Variants in GMDS observed in about 807,000 individuals in gnomAD.
GMDS encodes the protein GDP-mannose 4,6 dehydratase.
A neutral mutation model predicts 49.9 loss-of-function variants in GMDS; 20 were observed. That is an observed-to-expected ratio of 0.40 (90% CI 0.28 to 0.58). GMDS has a LOEUF of 0.58. Among genes scored for constraint, GMDS ranks in the 20% least tolerant of loss-of-function variants. GMDS has a pLI of 0.42. For missense variants in GMDS, 362 were observed against 481.4 expected, an observed-to-expected ratio of 0.75 and a Z score of 2.32; for synonymous variants, 177 against 178.6, an observed-to-expected ratio of 0.99 and a Z score of 0.07.
intron 7 of GMDS, among the ~76,000 whole-genome samples, chr6:1,874,477 A>G (rs1214632335): frequency 6.6e-6 from 1 of 152,178 alleles, no homozygotes; most frequent in African/African-American, 2.4e-5. Context: ...GAGAGAGGAC[A>G]TGATAGTTTG....
chr6:1,985,615 T>C (rs1205160400), intron 4 of GMDS, among the ~76,000 whole-genome samples: 3 of 151,964 alleles, frequency 2.0e-5, no homozygotes, highest in Admixed American at 1.3e-4. Flanking sequence ...ACAACAGATT[T>C]GAAAAGGAAT....
At chr6:1,887,065 A>T (rs979505464) in intron 7 of GMDS, among the ~76,000 whole-genome samples, 6 of 152,230 alleles carry the variant, frequency 3.9e-5, no homozygotes, top group Admixed American at 3.9e-4. Flanking sequence ...GAGAAAACAG[A>T]CATGTAGAGA....
intron 9 of GMDS, among the ~76,000 whole-genome samples, chr6:1,701,855 T>C (rs1183633449): frequency 1.3e-5 from 2 of 152,226 alleles, no homozygotes. Context: ...ATGACAGGTA[T>C]GACAATTTTA....
intron 7 of GMDS, among the ~76,000 whole-genome samples, chr6:1,830,348 C>T (rs1197997347): frequency 6.6e-6 from 1 of 152,170 alleles, no homozygotes; most frequent in African/African-American, 2.4e-5. Context: ...CAACTTCTAC[C>T]CACTAGGTAT....
At chr6:1,966,679 C>G (rs1422642970) in intron 4 of GMDS, among the ~76,000 whole-genome samples, 1 of 152,216 alleles carries the variant, frequency 6.6e-6, no homozygotes, top group Non-Finnish European at 1.5e-5. Flanking sequence ...CAGGGCACCT[C>G]TTGGAGCAAC....
intron 7 of GMDS, among the ~76,000 whole-genome samples, chr6:1,760,554 C>T (rs1768118675): frequency 6.6e-6 from 1 of 152,162 alleles, no homozygotes; most frequent in South Asian, 2.1e-4. Flanking sequence ...ATGGCCCCCG[C>T]AGTCCCCACC....
At chr6:1,644,897 G>A (rs1271934154) in intron 9 of GMDS, among the ~76,000 whole-genome samples, 2 of 151,830 alleles carry the variant, frequency 1.3e-5, no homozygotes, top group Non-Finnish European at 2.9e-5. Context: ...GTTAGGAAGT[G>A]GGGTGTATCA....
At chr6:2,031,777 C>A (rs375162790) in intron 4 of GMDS, among the ~76,000 whole-genome samples, 1 of 152,140 alleles carries the variant, frequency 6.6e-6, no homozygotes, top group Non-Finnish European at 1.5e-5. Context: ...GCAAGCCTGG[C>A]GGGTACCTTA....
intron 7 of GMDS, among the ~76,000 whole-genome samples, chr6:1,793,446 A>T (rs1320772254): frequency 6.6e-6 from 1 of 152,138 alleles, no homozygotes; most frequent in African/African-American, 2.4e-5. Context: ...ACCTTAAATG[A>T]CCTCTTTCAA....
At chr6:1,706,793 C>G (rs1193818989) in intron 9 of GMDS, among the ~76,000 whole-genome samples, 1 of 152,218 alleles carries the variant, frequency 6.6e-6, no homozygotes, top group Non-Finnish European at 1.5e-5. Flanking sequence ...AGACACTTCC[C>G]TGAGCTACTA....
At chr6:1,919,222 C>A (rs1046193226) in intron 7 of GMDS, among the ~76,000 whole-genome samples, 4 of 152,188 alleles carry the variant, frequency 2.6e-5, no homozygotes, top group Non-Finnish European at 5.9e-5. Context: ...CATGAGATAG[C>A]TAACAAAGTC....
chr6:1,687,022 T>C (rs1251118214), intron 9 of GMDS, among the ~76,000 whole-genome samples: 1 of 152,208 alleles, frequency 6.6e-6, no homozygotes, highest in African/African-American at 2.4e-5. Context: ...TAAAGGAAGA[T>C]ACAAATGTTT....
intron 7 of GMDS, among the ~76,000 whole-genome samples, chr6:1,857,351 G>A (rs780328030): frequency 2.0e-5 from 3 of 152,188 alleles, no homozygotes; most frequent in Non-Finnish European, 4.4e-5. Flanking sequence ...AGCTTCCAAA[G>A]CCCATGAACC....
At chr6:2,018,994 G>A (rs1405963987) in intron 4 of GMDS, among the ~76,000 whole-genome samples, 3 of 151,948 alleles carry the variant, frequency 2.0e-5, no homozygotes, top group East Asian at 1.9e-4. Flanking sequence ...CCTCATCAAC[G>A]CTTGGTACTG....
At chr6:2,005,959 C>T (rs1183820977) in intron 4 of GMDS, among the ~76,000 whole-genome samples, 1 of 152,104 alleles carries the variant, frequency 6.6e-6, no homozygotes, top group African/African-American at 2.4e-5. Context: ...CTGTCCCCTA[C>T]AGAACTCATT....
chr6:1,647,873 G>A (rs1261908668), intron 9 of GMDS, among the ~76,000 whole-genome samples: 6 of 152,292 alleles, frequency 3.9e-5, no homozygotes, highest in African/African-American at 2.4e-5. Context: ...AGTGCCAGCC[G>A]AATGCCACCT....
chr6:2,061,795 T>C (rs974317054), intron 4 of GMDS, among the ~76,000 whole-genome samples: 1 of 150,070 alleles, frequency 6.7e-6, no homozygotes, highest in Non-Finnish European at 1.5e-5. Flanking sequence ...GTTGGAATGA[T>C]CATTACAGAT....
chr6:2,212,001 TA>T (rs1327530973), intron 1 of GMDS, among the ~76,000 whole-genome samples: 4 of 152,232 alleles, frequency 2.6e-5, no homozygotes, highest in Non-Finnish European at 2.9e-5. Flanking sequence ...CATCTCTTTT[TA>T]ATTACAGTTC....
chr6:2,223,686 C>T (rs1780697289), intron 1 of GMDS, among the ~76,000 whole-genome samples: 1 of 152,036 alleles, frequency 6.6e-6, no homozygotes, highest in African/African-American at 2.4e-5. Flanking sequence ...ACTTTGGCTC[C>T]CAAATGGATT....
Sources: allele counts gnomAD v4.1 joint callset (sites outside exome capture counted in the v4.1 genomes callset), GRCh38; gene constraint gnomAD v4.1.1; transcripts MANE v1.5; gene names NCBI Gene and HGNC (gene_info 2026-07-23, HGNC 2026-07-21).